MBNL2: variants seen among roughly 807,000 people sequenced by gnomAD.
MBNL2 encodes the protein muscleblind-like protein 2.
A neutral mutation model predicts 41.9 loss-of-function variants in MBNL2; 17 were observed. The ratio of observed to expected loss-of-function variants is 0.41; its 90% CI spans 0.28 to 0.61. MBNL2 has a LOEUF of 0.61. MBNL2 is among the 20% of genes least tolerant of loss of function. MBNL2 has a pLI of 0.35. For synonymous variants in MBNL2, 195 were observed against 182.9 expected (o/e 1.07, Z -0.53); for missense variants, 336 against 505.6 (o/e 0.66, Z 3.22).
chr13:97,178,380 G>T, the MBNL2 span, among the ~76,000 whole-genome samples: 1 of 152,044 alleles, frequency 6.6e-6, no homozygotes, highest in Non-Finnish European at 1.5e-5. Context: ...CAAATAAGCT[G>T]TACAAAATGG....
At chr13:97,200,616 A>G in the MBNL2 span, among the ~76,000 whole-genome samples, 39 of 152,358 alleles carry the variant, frequency 2.6e-4, no homozygotes, top group South Asian at 8.1e-3. Context: ...AACAGTTTTA[A>G]AGACATTTTA....
At chr13:97,245,471 A>G (rs982030703) in intron 1 of MBNL2, among the ~76,000 whole-genome samples, 1 of 152,202 alleles carries the variant, frequency 6.6e-6, no homozygotes, top group Admixed American at 6.5e-5. Flanking sequence ...TCCCTACGAA[A>G]GCGTAATAAC....
At chr13:97,293,563 T>A (rs1031736347) in intron 2 of MBNL2, among the ~76,000 whole-genome samples, 9 of 152,276 alleles carry the variant, frequency 5.9e-5, no homozygotes, top group African/African-American at 2.2e-4. Flanking sequence ...TTCAAGTGCT[T>A]TGTGCCTGTA....
At chr13:97,169,796 A>G in the MBNL2 span, among the ~76,000 whole-genome samples, 1 of 152,144 alleles carries the variant, frequency 6.6e-6, no homozygotes, top group Non-Finnish European at 1.5e-5. Flanking sequence ...CCATCATTTT[A>G]TTTAACTGAT....
the MBNL2 span, among the ~76,000 whole-genome samples, chr13:97,166,948 G>T: frequency 3.9e-5 from 6 of 152,016 alleles, no homozygotes; most frequent in Non-Finnish European, 8.8e-5. Context: ...TAGCATTCAG[G>T]GGAGAAAAAC....
intron 3 of MBNL2, among the ~76,000 whole-genome samples, chr13:97,339,709 A>G (rs1172354242): frequency 6.6e-6 from 1 of 151,886 alleles, no homozygotes; most frequent in Non-Finnish European, 1.5e-5. Context: ...TTTAATTTGA[A>G]TTCAGGATCT....
rs145128195 is a variant in MBNL2, at chr13:97,291,410, T to G, written c.174+15001T>G. ...GCATGTGCCACCACACTCAGCTAATTTTTTGTATTTTTAGTAGAGACCGGG... is the reference window on the plus strand; with the variant it reads ...GCATGTGCCACCACACTCAGCTAATGTTTTGTATTTTTAGTAGAGACCGGG... On this transcript the variant is annotated intron_variant, in intron 2 of 8. Transcript: ENST00000679496. 1.4e-4 allele frequency among the ~76,000 whole-genome samples: 21 copies of G among 152,096 alleles called. No homozygotes were observed. The East Asian group carries it at 3.9e-3, about 28-fold the overall frequency.
chr13:97,323,209 G>T (rs191128954), intron 2 of MBNL2, among the ~76,000 whole-genome samples: 1 of 152,296 alleles, frequency 6.6e-6, no homozygotes, highest in African/African-American at 2.4e-5. Flanking sequence ...ATATAGTATT[G>T]CAATCAGTTT....
the MBNL2 span, among the ~76,000 whole-genome samples, chr13:97,147,004 G>T: frequency 6.6e-6 from 1 of 152,142 alleles, no homozygotes; most frequent in Admixed American, 6.5e-5. Flanking sequence ...ATATGGCAGA[G>T]GTCAACAGTA....
In MBNL2 at chr13:97,393,939, T is replaced by TTTCA. The variant is rs1346456151; in HGVS notation, c.*2491_*2494dup. Reference sequence around the variant, plus strand: ...ATAACAGCACTTCACCGAAATATTCTTTCAGCCATACCACTGGTAACATTT... The same window carrying TTTCA: ...ATAACAGCACTTCACCGAAATATTCTTTCATTCAGCCATACCACTGGTAACATTT... On this transcript the variant is annotated 3_prime_UTR_variant, in exon 9 of 9. Coordinates refer to ENST00000679496, the MANE Select transcript of MBNL2 (RefSeq NM_001382683.1). 6.6e-6 allele frequency: 1 copy of TTTCA among 152,582 alleles called. No homozygotes were observed. The highest frequency in any genetic ancestry group is 1.5e-5 in the Non-Finnish European group (1 of 67,990). The allele number at this position is 152,582 out of a possible 1,614,324, so 9.5% of individuals were successfully genotyped here.
At chr13:97,169,256 C>A in the MBNL2 span, among the ~76,000 whole-genome samples, 16 of 152,146 alleles carry the variant, frequency 1.1e-4, no homozygotes, top group African/African-American at 3.6e-4. Flanking sequence ...CTGGACACTA[C>A]TTTGTCAAAT....
At chr13:97,291,027 C>A (rs2055838857) in intron 2 of MBNL2, among the ~76,000 whole-genome samples, 1 of 152,020 alleles carries the variant, frequency 6.6e-6, no homozygotes, top group African/African-American at 2.4e-5. Flanking sequence ...TTATGCTCAG[C>A]ACTAAGATTT....
intron 1 of MBNL2, among the ~76,000 whole-genome samples, chr13:97,222,817 C>A (rs2152760894): frequency 6.6e-6 from 1 of 152,194 alleles, no homozygotes; most frequent in East Asian, 1.9e-4. Context: ...TTCTTTGGAG[C>A]AATCTTATTT....
chr13:97,262,383 G>A (rs1045078261), intron 1 of MBNL2, among the ~76,000 whole-genome samples: 4 of 152,140 alleles, frequency 2.6e-5, no homozygotes, highest in Non-Finnish European at 5.9e-5. Context: ...GACGCTTTTC[G>A]CTACTCCCTC....
intron 8 of MBNL2, among the ~76,000 whole-genome samples, chr13:97,370,396 G>T (rs772677284): frequency 6.6e-6 from 1 of 152,110 alleles, no homozygotes; most frequent in Non-Finnish European, 1.5e-5. Context: ...TGGGCCAGGC[G>T]CAGTGGCTCA....
chr13:97,367,746 G>A (rs906893511), intron 8 of MBNL2, among the ~76,000 whole-genome samples: 15 of 152,250 alleles, frequency 9.9e-5, no homozygotes, highest in African/African-American at 3.6e-4. Context: ...GGGAGGGGAG[G>A]CCGAACAGCA....
chr13:97,368,700 TTGTGTGTGTGTGTGTG>T (rs140107508), intron 8 of MBNL2, among the ~76,000 whole-genome samples: 1 of 148,368 alleles, frequency 6.7e-6, no homozygotes, highest in East Asian at 2.0e-4. Flanking sequence ...ATATTCAAGT[TTGTGTGTGTGTGTGTG>T]TGTGTGTGTG....
rs536334696 is a variant in MBNL2 at position 97,225,011 on chromosome 13, A to G, written c.-605+2480A>G. ...TTTGTGAAAGTGGAGTAAATAAGAG[A>G]AAAAACAAGAGGGAAGGAGAAAAAT... On this transcript the variant is annotated intron_variant, in intron 1 of 8. Coordinates refer to ENST00000679496, the MANE Select transcript of MBNL2 (RefSeq NM_001382683.1). 1.5e-4 allele frequency among the ~76,000 whole-genome samples: 23 copies of G among 152,364 alleles called. 2 individuals are homozygous for G. The South Asian group carries it at 4.6e-3, about 30-fold the overall frequency.
At chr13:97,287,840 G>GTTCAAGCAATTCTCCTGCA (rs1198243485) in intron 2 of MBNL2, among the ~76,000 whole-genome samples, 1 of 146,926 alleles carries the variant, frequency 6.8e-6, no homozygotes, top group African/African-American at 2.5e-5. Flanking sequence ...ATTCTCCTGC[G>GTTCAAGCAATTCTCCTGCA]TTCAAGCGAT....
Sources: allele counts gnomAD v4.1 joint callset (sites outside exome capture counted in the v4.1 genomes callset), GRCh38; gene constraint gnomAD v4.1.1; transcripts MANE v1.5; gene names NCBI Gene and HGNC (gene_info 2026-07-23, HGNC 2026-07-21).